The following AGBL4 variants were observed in gnomAD, a reference collection of about 807,000 sequenced individuals.
AGBL4 encodes cytosolic carboxypeptidase 6.
AGBL4 carries 58 observed loss-of-function variants against 66.4 expected under a neutral mutation model. That is an observed-to-expected ratio of 0.87 (90% CI 0.71 to 1.09). The LOEUF (loss-of-function observed/expected upper bound fraction) is 1.09, where lower values mean the gene tolerates loss of function less well. Ranked by LOEUF, AGBL4 falls within the 50% of genes least tolerant of loss-of-function variation. The pLI, the probability that AGBL4 is intolerant of heterozygous loss-of-function variation, is 0.00. For synonymous variants in AGBL4, 234 were observed against 222.9 expected (o/e 1.05, Z -0.44); for missense variants, 579 against 631.0 (o/e 0.92, Z 0.88).
chr1:50,000,861 G>A (rs186180306), intron 1 of AGBL4, among the ~76,000 whole-genome samples: 77 of 152,166 alleles, frequency 5.1e-4, no homozygotes, highest in African/African-American at 1.8e-3. Flanking sequence ...TAAGATATGA[G>A]GACACAAAGG....
intron 6 of AGBL4, among the ~76,000 whole-genome samples, chr1:48,696,151 T>C (rs1165038997): frequency 2.0e-5 from 3 of 152,150 alleles, no homozygotes; most frequent in African/African-American, 7.2e-5. Flanking sequence ...ATTTTATCTC[T>C]CTCTGTGTCC....
In AGBL4 at chr1:49,348,942, T is replaced by A. The variant is rs552316048; in HGVS notation, c.283-103078A>T. On this transcript the variant is annotated intron_variant, in intron 3 of 13. Transcript: ENST00000371839. ...AAATAAGTTAATGATAGCAAACCTATCTTTATACATATATTTGGTTCTACT... is the reference window on the plus strand; with the variant it reads ...AAATAAGTTAATGATAGCAAACCTAACTTTATACATATATTTGGTTCTACT... 1.8e-4 allele frequency among the ~76,000 whole-genome samples: 27 copies of A among 152,344 alleles called. No homozygotes were observed. The South Asian group carries it at 5.6e-3, about 32-fold the overall frequency.
intron 1 of AGBL4, among the ~76,000 whole-genome samples, chr1:49,862,387 A>T (rs1357685032): frequency 2.6e-5 from 4 of 151,812 alleles, no homozygotes; most frequent in Non-Finnish European, 5.9e-5. Context: ...TAACTACAGG[A>T]TCTAGAAAAT....
At chr1:48,957,436 C>T (rs1429936781) in intron 5 of AGBL4, among the ~76,000 whole-genome samples, 1 of 152,136 alleles carries the variant, frequency 6.6e-6, no homozygotes, top group East Asian at 1.9e-4. Flanking sequence ...AGAAATCTGA[C>T]TACTGTACAT....
At chr1:48,591,089 C>A in intron 9 of AGBL4, 104 bp from the exon 10 acceptor site, 1 of 685,110 alleles carries the variant, frequency 1.5e-6, no homozygotes, top group Non-Finnish European at 2.2e-6. Context: ...CACACCCACC[C>A]ACCCCCCCCC....
intron 2 of AGBL4, among the ~76,000 whole-genome samples, chr1:49,791,345 A>G (rs1425525039): frequency 6.6e-6 from 1 of 152,102 alleles, no homozygotes; most frequent in Non-Finnish European, 1.5e-5. Flanking sequence ...TTATATACAT[A>G]TATATGTTAG....
At chr1:49,585,234 G>A (rs554731262) in intron 3 of AGBL4, among the ~76,000 whole-genome samples, 1 of 152,248 alleles carries the variant, frequency 6.6e-6, no homozygotes, top group South Asian at 2.1e-4. Flanking sequence ...TTGAGTACTG[G>A]AAGGACCTGT....
intron 3 of AGBL4, among the ~76,000 whole-genome samples, chr1:49,655,788 A>G (rs1571262900): frequency 1.3e-5 from 2 of 152,324 alleles, no homozygotes; most frequent in Admixed American, 1.3e-4. Flanking sequence ...AAGATCAACA[A>G]AATTGATAGA....
chr1:49,110,059 A>T (rs1645375211), intron 4 of AGBL4, among the ~76,000 whole-genome samples: 1 of 152,164 alleles, frequency 6.6e-6, no homozygotes, highest in South Asian at 2.1e-4. Context: ...TTTCAAACTA[A>T]TTTGCATTGG....
chr1:49,054,057 G>C (rs1644267154), intron 4 of AGBL4, among the ~76,000 whole-genome samples: 1 of 152,086 alleles, frequency 6.6e-6, no homozygotes, highest in Non-Finnish European at 1.5e-5. Context: ...TAAATGAAAA[G>C]CCAGACATCA....
chr1:49,229,049 A>T (rs1447636668), intron 4 of AGBL4, among the ~76,000 whole-genome samples: 1 of 152,178 alleles, frequency 6.6e-6, no homozygotes, highest in Non-Finnish European at 1.5e-5. Context: ...ATGCCTTTGC[A>T]ATACCCTTCC....
intron 5 of AGBL4, among the ~76,000 whole-genome samples, chr1:48,956,919 A>T (rs1657498453): frequency 6.6e-6 from 1 of 152,212 alleles, no homozygotes; most frequent in Non-Finnish European, 1.5e-5. Context: ...TACTTATCTA[A>T]ATTTGTAAAT....
At chr1:49,566,650 C>G (rs575833381) in intron 3 of AGBL4, among the ~76,000 whole-genome samples, 1 of 152,150 alleles carries the variant, frequency 6.6e-6, no homozygotes, top group East Asian at 1.9e-4. Flanking sequence ...CCTGATCGTT[C>G]CTCTGGAAGT....
intron 1 of AGBL4, among the ~76,000 whole-genome samples, chr1:49,939,703 C>T (rs1206832721): frequency 6.6e-6 from 1 of 152,130 alleles, no homozygotes; most frequent in Non-Finnish European, 1.5e-5. Flanking sequence ...AAAATTAATT[C>T]AAGATGGATT....
chr1:49,268,469 A>T (rs535888289), intron 3 of AGBL4, among the ~76,000 whole-genome samples: 1 of 146,422 alleles, frequency 6.8e-6, no homozygotes, highest in Admixed American at 6.9e-5. Context: ...ATCTCACTCT[A>T]TTGCACAGGC....
At chr1:48,816,045 TTGTGTGTGTG>T (rs59041939) in intron 6 of AGBL4, among the ~76,000 whole-genome samples, 4,470 of 144,090 alleles carry the variant, frequency 0.031, 120 homozygotes, top group African/African-American at 0.067. Context: ...AGGAACTGTT[TTGTGTGTGTG>T]TGTGTGTGTG....
intron 3 of AGBL4, among the ~76,000 whole-genome samples, chr1:49,553,157 A>G (rs1287295744): frequency 1.3e-5 from 2 of 152,248 alleles, no homozygotes; most frequent in African/African-American, 4.8e-5. Flanking sequence ...TAGAATATTC[A>G]GTCAGGCAGG....
intron 8 of AGBL4, among the ~76,000 whole-genome samples, chr1:48,646,537 G>GTT (rs1047945460): frequency 4.6e-5 from 7 of 151,554 alleles, no homozygotes; most frequent in Non-Finnish European, 8.8e-5. Context: ...GTGTGTGTGT[G>GTT]TGTGTGTGTG....
At chr1:48,941,489 C>G (rs1655970532) in intron 5 of AGBL4, among the ~76,000 whole-genome samples, 1 of 152,152 alleles carries the variant, frequency 6.6e-6, no homozygotes, top group Admixed American at 6.5e-5. Flanking sequence ...CCCAGGTAGA[C>G]TAAGGCCTAG....
Sources: allele counts gnomAD v4.1 joint callset (sites outside exome capture counted in the v4.1 genomes callset), GRCh38; gene constraint gnomAD v4.1.1; transcripts MANE v1.5; gene names NCBI Gene and HGNC (gene_info 2026-07-23, HGNC 2026-07-21).